Variants in TMEM135 observed in about 807,000 individuals in gnomAD.
TMEM135 encodes transmembrane protein 135.
A neutral mutation model predicts 60.3 loss-of-function variants in TMEM135; 30 were observed. That is an observed-to-expected ratio of 0.50 (90% CI 0.37 to 0.68). The LOEUF is 0.68. Ranked by LOEUF, TMEM135 falls within the 30% of genes least tolerant of loss-of-function variation. The pLI is 0.00. For synonymous variants in TMEM135, 190 were observed against 186.7 expected, an observed-to-expected ratio of 1.02 and a Z score of -0.14; for missense variants, 468 against 548.8, an observed-to-expected ratio of 0.85 and a Z score of 1.47.
intron 5 of TMEM135, among the ~76,000 whole-genome samples, chr11:87,214,077 C>T (rs1940442722): frequency 6.6e-6 from 1 of 152,120 alleles, no homozygotes; most frequent in African/African-American, 2.4e-5. Flanking sequence ...AGACATTACT[C>T]TATGGTGGTG....
chr11:87,046,174 G>A (rs1949793944), intron 1 of TMEM135, among the ~76,000 whole-genome samples: 1 of 152,214 alleles, frequency 6.6e-6, no homozygotes, highest in African/African-American at 2.4e-5. Context: ...GGGAGGCTGA[G>A]GCGGGAGGAT....
chr11:87,302,182 T>C, intron 7 of TMEM135, 114 bp from the exon 8 acceptor site: 2 of 1,099,574 alleles, frequency 1.8e-6, no homozygotes, highest in Non-Finnish European at 2.6e-6. Context: ...GAAAATACTA[T>C]CTCAAATGAT....
rs193100942 is a variant in TMEM135 at position 87,072,439 on chromosome 11, G to C, written c.362+824G>C. On this transcript the variant is annotated intron_variant, in intron 3 of 14. Transcript: ENST00000305494. ...TCTGTTGCGCAGGCTGGAGTGCAGT[G>C]GTGCGACCTCGACCCACTGCAACCT... Among the ~76,000 whole-genome samples the C allele has an allele frequency of 6.7e-4, 102 of 152,056 alleles. No individual in the cohort carries two copies. In the East Asian group the frequency reaches 0.019, roughly 28 times the overall value.
chr11:87,254,566 A>C (rs747662984), intron 6 of TMEM135, among the ~76,000 whole-genome samples: 15 of 152,238 alleles, frequency 9.9e-5, no homozygotes, highest in Non-Finnish European at 1.9e-4. Context: ...TATGTTTCCA[A>C]GCCCATCTTT....
chr11:87,100,352 A>G (rs1387318691), intron 4 of TMEM135, among the ~76,000 whole-genome samples: 1 of 152,326 alleles, frequency 6.6e-6, no homozygotes, highest in East Asian at 1.9e-4. Flanking sequence ...TTATTACTGT[A>G]TAACTTTTAC....
At chr11:87,134,834 T>A (rs1158782174) in intron 4 of TMEM135, among the ~76,000 whole-genome samples, 1 of 152,166 alleles carries the variant, frequency 6.6e-6, no homozygotes, top group Non-Finnish European at 1.5e-5. Context: ...TCCAAAGTGA[T>A]CATACCATTT....
At chr11:87,124,781 C>T (rs1440742257) in intron 4 of TMEM135, among the ~76,000 whole-genome samples, 1 of 151,980 alleles carries the variant, frequency 6.6e-6, no homozygotes, top group Non-Finnish European at 1.5e-5. Context: ...TCCTCCTTCC[C>T]TTCATTTATC....
intron 3 of TMEM135, among the ~76,000 whole-genome samples, chr11:87,081,136 T>C (rs1856984288): frequency 1.3e-5 from 2 of 152,154 alleles, no homozygotes; most frequent in East Asian, 1.9e-4. Context: ...TCTTATTTTT[T>C]TATATCTATT....
intron 6 of TMEM135, among the ~76,000 whole-genome samples, chr11:87,280,544 C>CT (rs1213920596): frequency 6.6e-6 from 1 of 152,096 alleles, no homozygotes; most frequent in East Asian, 1.9e-4. Flanking sequence ...TCCTCTACTT[C>CT]TTTTTTATAG....
chr11:87,208,380 T>C (rs1317508064), intron 5 of TMEM135, among the ~76,000 whole-genome samples: 1 of 152,106 alleles, frequency 6.6e-6, no homozygotes, highest in Non-Finnish European at 1.5e-5. Context: ...CAAACTGAAC[T>C]TCTAGAAATG....
chr11:87,076,911 CATCTTATTTAACTGTAGTATAAT>C (rs1856885065), intron 3 of TMEM135, among the ~76,000 whole-genome samples: 1 of 152,174 alleles, frequency 6.6e-6, no homozygotes, highest in Non-Finnish European at 1.5e-5. Context: ...CCAGTGATGA[CATCTTATTTAACTGTAGTATAAT>C]ATAAAACCAG....
chr11:87,298,786 C>CAAAAAAAAAAAAAAA (rs59740138), intron 7 of TMEM135, among the ~76,000 whole-genome samples: 1 of 57,690 alleles, frequency 1.7e-5, no homozygotes, highest in African/African-American at 7.6e-5. Context: ...GACTCTGTCT[C>CAAAAAAAAAAAAAAA]AAAAAAAAAA....
At chr11:87,074,548 A>G (rs188972150) in intron 3 of TMEM135, among the ~76,000 whole-genome samples, 91 of 152,326 alleles carry the variant, frequency 6.0e-4, no homozygotes, top group Admixed American at 1.2e-3. Flanking sequence ...ATTAGATAGC[A>G]TTTTTGCAGT....
chr11:87,286,625 G>A (rs1942172024), intron 6 of TMEM135, among the ~76,000 whole-genome samples: 1 of 152,214 alleles, frequency 6.6e-6, no homozygotes, highest in South Asian at 2.1e-4. Flanking sequence ...CGGGGTGGGG[G>A]TGGGGCTCGG....
chr11:87,123,889 G>T (rs1481230114), intron 4 of TMEM135, among the ~76,000 whole-genome samples: 2 of 152,172 alleles, frequency 1.3e-5, no homozygotes, highest in African/African-American at 4.8e-5. Flanking sequence ...AGTAGCTCAT[G>T]AAACAAGCTG....
rs1857522335 is a variant in TMEM135, at chr11:87,103,726, T to G, written c.396+12331T>G. On this transcript the variant is annotated intron_variant, in intron 4 of 14. Coordinates refer to ENST00000305494, the MANE Select transcript of TMEM135 (RefSeq NM_022918.4). ...CAGGCTGGAGTGCAGTGGCGCAACCTTGGCTCACTGCAACCTTCACCTCCC... is the reference window on the plus strand; with the variant it reads ...CAGGCTGGAGTGCAGTGGCGCAACCGTGGCTCACTGCAACCTTCACCTCCC... Among the ~76,000 whole-genome samples, 3 of 152,062 alleles carry G rather than the reference T, an allele frequency of 2.0e-5. No individual in the cohort carries two copies. The South Asian group carries it at 6.2e-4, about 31-fold the overall frequency.
At chr11:87,258,925 T>G (rs1007215958) in intron 6 of TMEM135, 2 of 1,358,508 alleles carry the variant, frequency 1.5e-6, no homozygotes, top group African/African-American at 2.9e-5. Flanking sequence ...TAGAAGTATC[T>G]GCTGCTGCTG....
At chr11:87,204,221 A>T (rs1418062987) in intron 5 of TMEM135, among the ~76,000 whole-genome samples, 1 of 152,070 alleles carries the variant, frequency 6.6e-6, no homozygotes, top group African/African-American at 2.4e-5. Flanking sequence ...TCATGGATTT[A>T]TGTAGCCACT....
At chr11:87,158,951 A>G (rs887764595) in intron 5 of TMEM135, among the ~76,000 whole-genome samples, 82 of 151,302 alleles carry the variant, frequency 5.4e-4, no homozygotes, top group African/African-American at 2.0e-3. Flanking sequence ...ATTACTATAT[A>G]TTTTTTTCAT....
Sources: gnomAD v4.1 joint callset for allele counts (sites outside exome capture counted in the v4.1 genomes callset) on GRCh38, gnomAD v4.1.1 for gene constraint, MANE v1.5 for transcripts, NCBI Gene and HGNC (gene_info 2026-07-23, HGNC 2026-07-21) for gene names.